CCDC88C: variants seen among roughly 807,000 people sequenced by gnomAD.
The protein encoded by CCDC88C is coiled-coil and HOOK domain protein 88C.
Under a neutral mutation model 198.8 loss-of-function variants are expected in CCDC88C, and 131 were observed. The observed-to-expected ratio is 0.66, with a 90% CI of 0.57 to 0.76. The LOEUF is 0.76. CCDC88C is among the 30% of genes least tolerant of loss of function. CCDC88C has a pLI of 0.00. For missense variants in CCDC88C, 2,553 were observed against 2,631.6 expected (o/e 0.97, Z 0.65); for synonymous variants, 1,166 against 1,114.7 (o/e 1.05, Z -0.92).
chr14:91,314,182 C>A, intron 14 of CCDC88C, 32 bp from the exon 15 acceptor site: 1 of 1,547,598 alleles, frequency 6.5e-7, no homozygotes, highest in Non-Finnish European at 8.8e-7. Flanking sequence ...ACAACCCAGG[C>A]TGCTGCAGGA....
In CCDC88C at chr14:91,405,508, T is replaced by C. The variant is rs549775378; in HGVS notation, c.270+3151A>G. On this transcript the variant is annotated intron_variant, in intron 3 of 29. Transcript: ENST00000389857. ...AATGTTCTGGAATACCCCTTTACTA[T>C]AATAACCGGTTATGTTTGTGCTATA... is the stretch of plus-strand genomic sequence containing the variant. Among the ~76,000 whole-genome samples the C allele has an allele frequency of 3.3e-5, 5 of 152,170 alleles. No homozygotes were observed. The South Asian group carries it at 1.0e-3, about 32-fold the overall frequency.
At chr14:91,416,313 C>T (rs769232902) in intron 2 of CCDC88C, among the ~76,000 whole-genome samples, 1 of 152,156 alleles carries the variant, frequency 6.6e-6, no homozygotes, top group African/African-American at 2.4e-5. Context: ...AACACAGACA[C>T]CCTCATCTAA....
Position 91,308,345 on chromosome 14 carries a change from A to G in CCDC88C, c.3006+6T>C, listed in dbSNP as rs1335104632. 1.2e-6 allele frequency: 2 copies of G among 1,613,594 alleles called. No individual in the cohort carries two copies. Among genetic ancestry groups the G allele is most frequent in the East Asian group, 2.2e-5 (1 of 44,880 alleles). On this transcript the variant is annotated splice_donor_region_variant and intron_variant, in intron 17 of 29. Coordinates refer to ENST00000389857, the MANE Select transcript of CCDC88C (RefSeq NM_001080414.4). ...CTGGGCCCCACAGTGCAACCTCCAC[A>G]CTCACCATCTGCAGCTCACTCTCTA...
At position 91,309,839 on chromosome 14, in the gene CCDC88C, G is replaced by A; in HGVS notation, c.2864+20C>T. The A allele has an allele frequency of 1.3e-6, 2 of 1,599,554 alleles. No homozygotes were observed. Among genetic ancestry groups the A allele is most frequent in the African/African-American group, 1.3e-5 (1 of 74,794 alleles). ...GGAGGAAGTGCTCCCACGATGGGGA[G>A]AGGGAGAAGAGGCCCTCACGTGTCA... On this transcript the variant is annotated intron_variant, in intron 16 of 29. Transcript: ENST00000389857.
rs796660357 is a variant in CCDC88C at position 91,344,515 on chromosome 14, C to CT, written c.341-859dup. 2.4e-3 allele frequency among the ~76,000 whole-genome samples: 336 copies of CT among 142,976 alleles called. 3 individuals are homozygous for CT. The highest frequency in any genetic ancestry group is 7.8e-3 in the East Asian group (39 of 4,984). The allele number at this position is 142,976 out of a possible 152,430, so 93.8% of individuals were successfully genotyped here. A position where few individuals can be genotyped will look rare whatever the true frequency, so the allele number is the denominator to read the frequency against. On this transcript the variant is annotated intron_variant, in intron 4 of 29. Coordinates refer to ENST00000389857, the MANE Select transcript of CCDC88C (RefSeq NM_001080414.4). Reference sequence around the variant, plus strand: ...TTCTATAAGATAACATAAAGCCATCCTTTTTTTTTTTTTTGAGATGGAGTC... The same window carrying CT: ...TTCTATAAGATAACATAAAGCCATCCTTTTTTTTTTTTTTTGAGATGGAGTC...
At chr14:91,297,833 T>C (rs1239148504) in intron 21 of CCDC88C, among the ~76,000 whole-genome samples, 2 of 152,122 alleles carry the variant, frequency 1.3e-5, no homozygotes, top group African/African-American at 4.8e-5. Context: ...CTGTGTACAC[T>C]TGAAAAACAA....
At chr14:91,389,142 C>A (rs1156914689) in intron 3 of CCDC88C, among the ~76,000 whole-genome samples, 4 of 152,168 alleles carry the variant, frequency 2.6e-5, no homozygotes, top group Non-Finnish European at 5.9e-5. Context: ...CATCTGAAGA[C>A]CTGCCTGGCC....
chr14:91,323,557 G>A (rs1231969566), intron 12 of CCDC88C, among the ~76,000 whole-genome samples: 1 of 152,196 alleles, frequency 6.6e-6, no homozygotes, highest in East Asian at 1.9e-4. Flanking sequence ...CATCATTCTA[G>A]CAAACACTAG....
In CCDC88C at chr14:91,273,794, C is replaced by T. The variant is rs531867565; in HGVS notation, c.5059-141G>A. The T allele has an allele frequency of 2.2e-4, 140 of 626,990 alleles. No homozygotes were observed. Among genetic ancestry groups the T allele is most frequent in the East Asian group, 3.4e-4 (10 of 29,626 alleles). The allele number at this position is 626,990 out of a possible 1,614,324, so 38.8% of individuals were successfully genotyped here. On this transcript the variant is annotated intron_variant, in intron 29 of 29. Coordinates refer to ENST00000389857, the MANE Select transcript of CCDC88C (RefSeq NM_001080414.4). The surrounding 1 kb of genome is among the most constrained non-coding windows in gnomAD (Gnocchi z 5.6). The stretch of plus-strand genomic sequence containing the variant: ...CCTGCCTTCTCCGAGGCACATGTGC[C>T]GCCTCCACCACACACACCAGCCCTG...
At chr14:91,330,106 CA>C (rs1376448356) in intron 10 of CCDC88C, among the ~76,000 whole-genome samples, 1 of 152,238 alleles carries the variant, frequency 6.6e-6, no homozygotes, top group Middle Eastern at 3.2e-3. Context: ...CACAGAGGAC[CA>C]GGGGTCAGTA....
intron 25 of CCDC88C, among the ~76,000 whole-genome samples, chr14:91,286,610 A>G (rs574542713): frequency 6.6e-6 from 1 of 152,280 alleles, no homozygotes; most frequent in South Asian, 2.1e-4. Flanking sequence ...GATTTCCATT[A>G]TTTCTTCCTC....
chr14:91,398,751 G>T (rs573305294), intron 3 of CCDC88C, among the ~76,000 whole-genome samples: 1 of 152,346 alleles, frequency 6.6e-6, no homozygotes, highest in African/African-American at 2.4e-5. Context: ...TGGGAGTGCA[G>T]GCCTTTTGTT....
At position 91,311,240 on chromosome 14, in the gene CCDC88C, G is replaced by A. The variant is rs183663461; in HGVS notation, c.2737-1254C>T. On this transcript the variant is annotated intron_variant, in intron 15 of 29. Transcript: ENST00000389857. ...TGCTGGGGTTGGCTATCGTAGCACAGCCTAACTAACCTACGCTAACGAGCC... is the reference window on the plus strand; with the variant it reads ...TGCTGGGGTTGGCTATCGTAGCACAACCTAACTAACCTACGCTAACGAGCC... 2.4e-3 allele frequency among the ~76,000 whole-genome samples: 370 copies of A among 152,342 alleles called. 2 individuals carry two copies. The highest frequency in any genetic ancestry group is 8.6e-3 in the African/African-American group (357 of 41,578).
rs1305746537 is a variant in CCDC88C, at chr14:91,416,728, G to C, written c.161+10C>G. The C allele has an allele frequency of 7.0e-6, 11 of 1,576,650 alleles. No homozygotes were observed. The highest frequency in any genetic ancestry group is 9.6e-6 in the Non-Finnish European group (11 of 1,146,540). ...CATTCTTTCCTTCCTCCGAGAAGAAGGTAACTTACATTTGCAGCATAATTT... is the reference window on the plus strand; with the variant it reads ...CATTCTTTCCTTCCTCCGAGAAGAACGTAACTTACATTTGCAGCATAATTT... On this transcript the variant is annotated intron_variant, in intron 2 of 29. Coordinates refer to ENST00000389857, the MANE Select transcript of CCDC88C (RefSeq NM_001080414.4).
Position 91,273,523 on chromosome 14 carries a change from G to A in CCDC88C, c.5189C>T (p.Ala1730Val), listed in dbSNP as rs768378092. The A allele has an allele frequency of 3.3e-6, 5 of 1,533,464 alleles. No homozygotes were observed. Among genetic ancestry groups the A allele is most frequent in the Admixed American group, 2.1e-5 (1 of 46,828 alleles). 95.0% of individuals were successfully genotyped at this position (1,533,464 alleles called of 1,614,324 possible). A position where few individuals can be genotyped will look rare whatever the true frequency, so the allele number is the denominator to read the frequency against. The change falls in exon 30 of 30, where the codon GCC becomes GTC. Residue 1730 changes from alanine to valine, a missense_variant. Coordinates refer to ENST00000389857, the MANE Select transcript of CCDC88C (RefSeq NM_001080414.4). The surrounding 1 kb of genome is among the most constrained non-coding windows in gnomAD (Gnocchi z 5.6). ...GGGGGCGGCCATTTTGACGGTGGGG[G>A]CCACAAAGTTGGTGGGCATCTTGGC... The part of the protein sequence containing the change: ...EGAKMPTNFV[A>V]PTVKMAAPTS...
chr14:91,306,033 C>T (rs1224825122), intron 18 of CCDC88C, 107 bp from the exon 19 acceptor site: 4 of 1,143,442 alleles, frequency 3.5e-6, no homozygotes, highest in African/African-American at 1.5e-5. Flanking sequence ...GTTTTGGGGG[C>T]CAAATCGAGG....
chr14:91,379,839 G>C (rs572950875), intron 3 of CCDC88C: 1 of 702,912 alleles, frequency 1.4e-6, no homozygotes, highest in East Asian at 2.7e-5. Flanking sequence ...AAACTCAAAC[G>C]CTGTGTCTGC....
chr14:91,305,752 G>A lies in CCDC88C; in HGVS notation c.3357+13C>T, dbSNP rs116164225. 1,635 of 1,593,700 alleles carry A rather than the reference G, an allele frequency of 1.0e-3. 14 individuals carry two copies. The African/African-American group carries it at 0.02, about 19-fold the overall frequency. On this transcript the variant is annotated intron_variant, in intron 19 of 29. Transcript: ENST00000389857. ...CCAGGCTTGTGACCACTGGTGTTGGGAGCCCCGCTCACCTGCAGCTTGGCG... is the reference window on the plus strand; with the variant it reads ...CCAGGCTTGTGACCACTGGTGTTGGAAGCCCCGCTCACCTGCAGCTTGGCG...
At position 91,283,348 on chromosome 14, in the gene CCDC88C, C is replaced by T; in HGVS notation, c.4611G>A (p.Arg1537=). 1 of 1,613,558 alleles carries T rather than the reference C, an allele frequency of 6.2e-7. No homozygotes were observed. The highest frequency in any genetic ancestry group is 8.5e-7 in the Non-Finnish European group (1 of 1,179,816). The change falls in exon 26 of 30, where the codon CGG becomes CGA. Residue 1537 remains arginine (R), a synonymous_variant. Transcript: ENST00000389857. ...ACTCACCTTTGGTGCGGCCTGGGTG[C>T]CGGGCGATGGGGGTGGAGTTGGAAG... The part of the protein sequence containing the change: ...TAPSNSTPIA[R]HPGRTKGYNS...
Sources: gnomAD v4.1 joint callset for allele counts (sites outside exome capture counted in the v4.1 genomes callset) on GRCh38, gnomAD v4.1.1 for gene constraint, Gnocchi (gnomAD v3.1) non-coding constraint, MANE v1.5 for transcripts, NCBI Gene and HGNC (gene_info 2026-07-23, HGNC 2026-07-21) for gene names.